The following CRIM1 variants were observed in gnomAD, a reference collection of about 807,000 sequenced individuals.
CRIM1 encodes cysteine rich transmembrane BMP regulator 1, also known as cysteine-rich motor neuron 1 protein.
Under a neutral mutation model 116.4 loss-of-function variants are expected in CRIM1, and 32 were observed. The observed-to-expected ratio is 0.27, with a 90% confidence interval of 0.21 to 0.37. The LOEUF is 0.37. Among genes scored for constraint, CRIM1 ranks in the 10% least tolerant of loss-of-function variants. The pLI is 1.00. For missense variants in CRIM1, 1,331 were observed against 1,354.8 expected (o/e 0.98, Z 0.28); for synonymous variants, 590 against 509.2 (o/e 1.16, Z -2.13).
At chr2:36,525,189 CA>C (rs1480354333) in intron 13 of CRIM1, among the ~76,000 whole-genome samples, 1 of 152,194 alleles carries the variant, frequency 6.6e-6, no homozygotes, top group Non-Finnish European at 1.5e-5. Context: ...TTGAAATAGT[CA>C]TTAAGCCCTC....
chr2:36,452,948 C>T (rs567391684), intron 4 of CRIM1, among the ~76,000 whole-genome samples: 81 of 152,258 alleles, frequency 5.3e-4, no homozygotes, highest in Non-Finnish European at 5.1e-4. Context: ...CTCTCCATAC[C>T]CTCTTTTGCT....
chr2:36,381,550 A>G (rs1670774432), intron 1 of CRIM1, among the ~76,000 whole-genome samples: 1 of 152,202 alleles, frequency 6.6e-6, no homozygotes, highest in Non-Finnish European at 1.5e-5. Context: ...GAGAAAAGGA[A>G]TGTCCAGTGA....
At chr2:36,443,985 A>G (rs1255925036) in intron 4 of CRIM1, among the ~76,000 whole-genome samples, 1 of 152,198 alleles carries the variant, frequency 6.6e-6, no homozygotes, top group Admixed American at 6.5e-5. Context: ...GATGCTTAGG[A>G]AGGGGTGAAA....
chr2:36,470,689 G>A (rs1678431795), intron 5 of CRIM1, among the ~76,000 whole-genome samples: 1 of 152,176 alleles, frequency 6.6e-6, no homozygotes, highest in African/African-American at 2.4e-5. Flanking sequence ...GAGCTCTGAT[G>A]GAGGTGTACA....
At chr2:36,526,362 G>C (rs900255455) in intron 13 of CRIM1, among the ~76,000 whole-genome samples, 15 of 152,142 alleles carry the variant, frequency 9.9e-5, no homozygotes, top group African/African-American at 2.9e-4. Flanking sequence ...TTTCATATGT[G>C]GTTCCTTGTA....
chr2:36,394,654 T>C (rs1671877223), intron 1 of CRIM1, among the ~76,000 whole-genome samples: 1 of 151,798 alleles, frequency 6.6e-6, no homozygotes, highest in South Asian at 2.1e-4. Flanking sequence ...ATGTATGTTG[T>C]TTCTCAGAAC....
In CRIM1 at chr2:36,454,356, C is replaced by T. The variant is rs570400425; in HGVS notation, c.870-10178C>T. 1.4e-4 allele frequency among the ~76,000 whole-genome samples: 21 copies of T among 152,250 alleles called. No homozygotes were observed. The South Asian group carries it at 4.3e-3, about 32-fold the overall frequency. ...TCATTTCACAAACTGCCACTCACAC[C>T]CCTCACCACCACCACACACAAACAC... On this transcript the variant is annotated intron_variant, in intron 4 of 16. Transcript: ENST00000280527.
intron 2 of CRIM1, among the ~76,000 whole-genome samples, chr2:36,409,354 AG>A (rs1353767849): frequency 9.2e-5 from 14 of 152,338 alleles, no homozygotes; most frequent in African/African-American, 3.4e-4. Context: ...GTTGTACCCT[AG>A]AGTGTTACCT....
At chr2:36,487,698 A>G (rs960929225) in intron 7 of CRIM1, among the ~76,000 whole-genome samples, 2 of 152,182 alleles carry the variant, frequency 1.3e-5, no homozygotes, top group African/African-American at 4.8e-5. Flanking sequence ...TTTCAAACAG[A>G]ATTTTAACAT....
intron 1 of CRIM1, among the ~76,000 whole-genome samples, chr2:36,368,534 G>C (rs1056911441): frequency 2.6e-5 from 4 of 152,142 alleles, no homozygotes; most frequent in African/African-American, 9.7e-5. Flanking sequence ...TGCCCAGCAC[G>C]GCTTCCAGTG....
At chr2:36,520,467 C>T (rs917896268) in intron 12 of CRIM1, among the ~76,000 whole-genome samples, 5 of 152,148 alleles carry the variant, frequency 3.3e-5, no homozygotes, top group South Asian at 2.1e-4. Flanking sequence ...TATCCCTCGA[C>T]GTAGATAACC....
At chr2:36,425,091 A>T (rs538402935) in intron 2 of CRIM1, among the ~76,000 whole-genome samples, 3 of 152,330 alleles carry the variant, frequency 2.0e-5, no homozygotes, top group African/African-American at 7.2e-5. Flanking sequence ...AGACCAATCC[A>T]TGCTAGCTAA....
chr2:36,384,092 A>G (rs10184083), intron 1 of CRIM1, among the ~76,000 whole-genome samples: 30,385 of 152,176 alleles, frequency 0.2, 3,197 homozygotes, highest in African/African-American at 0.26. Context: ...GACAGAGACA[A>G]CCACAGTGGT....
At chr2:36,358,036 C>G (rs1338406397) in intron 1 of CRIM1, among the ~76,000 whole-genome samples, 1 of 152,050 alleles carries the variant, frequency 6.6e-6, no homozygotes, top group South Asian at 2.1e-4. Context: ...GGAGGGTTTT[C>G]TGGTTTGGAA....
At chr2:36,357,814 C>A (rs1160422706) in intron 1 of CRIM1, among the ~76,000 whole-genome samples, 1 of 152,146 alleles carries the variant, frequency 6.6e-6, no homozygotes, top group Non-Finnish European at 1.5e-5. Context: ...TCACAGCCAG[C>A]ACCGTCCAGG....
At chr2:36,492,755 A>G (rs139853721) in intron 7 of CRIM1, among the ~76,000 whole-genome samples, 56 of 152,288 alleles carry the variant, frequency 3.7e-4, no homozygotes, top group African/African-American at 1.3e-3. Flanking sequence ...ATATTTAGCC[A>G]TTGAACTGCC....
At chr2:36,542,919 G>C (rs1050655596) in intron 14 of CRIM1, among the ~76,000 whole-genome samples, 3 of 151,966 alleles carry the variant, frequency 2.0e-5, no homozygotes, top group South Asian at 4.1e-4. Flanking sequence ...AAGCTCTTTG[G>C]GTAATTCTGA....
chr2:36,457,460 G>T (rs1011368440), intron 4 of CRIM1, among the ~76,000 whole-genome samples: 2 of 152,116 alleles, frequency 1.3e-5, no homozygotes, highest in Non-Finnish European at 2.9e-5. Flanking sequence ...GGATGGCTGC[G>T]GGGGGAGAGT....
At chr2:36,374,692 T>A (rs1670187576) in intron 1 of CRIM1, among the ~76,000 whole-genome samples, 1 of 152,154 alleles carries the variant, frequency 6.6e-6, no homozygotes, top group African/African-American at 2.4e-5. Flanking sequence ...AAAAATTCTA[T>A]TTAAGAGAAA....
Sources: gnomAD v4.1 joint callset for allele counts (sites outside exome capture counted in the v4.1 genomes callset) on GRCh38, gnomAD v4.1.1 for gene constraint, MANE v1.5 for transcripts, NCBI Gene and HGNC (gene_info 2026-07-23, HGNC 2026-07-21) for gene names.